The following GALNTL6 variants were observed in gnomAD, a reference collection of about 807,000 sequenced individuals.
GALNTL6 encodes the protein polypeptide N-acetylgalactosaminyltransferase like 6.
A neutral mutation model predicts 73.7 loss-of-function variants in GALNTL6; 46 were observed. That is an observed-to-expected ratio of 0.62 (90% CI 0.49 to 0.80). The LOEUF is 0.80. Among genes scored for constraint, GALNTL6 ranks in the 30% least tolerant of loss-of-function variants. The probability of loss-of-function intolerance (pLI) is 0.00; values close to 1 mark genes in which losing one functional copy is unlikely to be tolerated. For synonymous variants in GALNTL6, 259 were observed against 263.7 expected, an observed-to-expected ratio of 0.98 and a Z score of 0.17; for missense variants, 604 against 755.0, an observed-to-expected ratio of 0.80 and a Z score of 2.34.
chr4:171,983,946 G>T (rs1332465229), intron 2 of GALNTL6, among the ~76,000 whole-genome samples: 1 of 152,164 alleles, frequency 6.6e-6, no homozygotes, highest in Admixed American at 6.5e-5. Flanking sequence ...TTCCCCTAGT[G>T]TGGGCCTCAG....
At chr4:172,287,416 G>C (rs1038177015) in intron 3 of GALNTL6, among the ~76,000 whole-genome samples, 2 of 150,804 alleles carry the variant, frequency 1.3e-5, no homozygotes, top group Non-Finnish European at 3.0e-5. Flanking sequence ...TGAGCAAAAA[G>C]CTGACTGATT....
At chr4:172,111,893 T>C (rs1732861971) in intron 2 of GALNTL6, among the ~76,000 whole-genome samples, 1 of 152,038 alleles carries the variant, frequency 6.6e-6, no homozygotes, top group Non-Finnish European at 1.5e-5. Flanking sequence ...GTGGTACATT[T>C]GTCATGTTTG....
chr4:172,377,581 G>A (rs972175044), intron 5 of GALNTL6, among the ~76,000 whole-genome samples: 14 of 152,162 alleles, frequency 9.2e-5, no homozygotes, highest in Non-Finnish European at 1.6e-4. Context: ...GTGCCGTGGA[G>A]CAGGGGCCGG....
At chr4:172,493,404 A>C (rs537469208) in intron 5 of GALNTL6, among the ~76,000 whole-genome samples, 1 of 152,224 alleles carries the variant, frequency 6.6e-6, no homozygotes, top group Non-Finnish European at 1.5e-5. Flanking sequence ...ATTCACTTTT[A>C]TGTCAGAAAT....
At chr4:171,958,152 T>C (rs145515254) in intron 2 of GALNTL6, among the ~76,000 whole-genome samples, 1 of 152,160 alleles carries the variant, frequency 6.6e-6, no homozygotes. Flanking sequence ...ATTACTGATA[T>C]CCTTGAAATT....
At chr4:172,822,823 T>C (rs1742015268) in intron 7 of GALNTL6, among the ~76,000 whole-genome samples, 1 of 152,196 alleles carries the variant, frequency 6.6e-6, no homozygotes, top group African/African-American at 2.4e-5. Context: ...TATTATCCAC[T>C]TTGTTCTGCT....
chr4:172,451,074 T>C (rs1013938176), intron 5 of GALNTL6, among the ~76,000 whole-genome samples: 1 of 152,146 alleles, frequency 6.6e-6, no homozygotes, highest in Non-Finnish European at 1.5e-5. Flanking sequence ...CCTGTGAAGG[T>C]TTTTTGTAGA....
At chr4:171,895,308 C>T (rs1279532894) in intron 2 of GALNTL6, among the ~76,000 whole-genome samples, 1 of 152,074 alleles carries the variant, frequency 6.6e-6, no homozygotes, top group East Asian at 1.9e-4. Context: ...GAGCAGAATC[C>T]CTTGCGTGAA....
intron 7 of GALNTL6, among the ~76,000 whole-genome samples, chr4:172,823,610 T>A (rs1742063465): frequency 6.6e-6 from 1 of 152,176 alleles, no homozygotes; most frequent in South Asian, 2.1e-4. Context: ...TGAGCACAAT[T>A]ATCTGTAGGG....
intron 2 of GALNTL6, among the ~76,000 whole-genome samples, chr4:171,948,546 C>T (rs531816379): frequency 1.4e-4 from 22 of 152,158 alleles, no homozygotes; most frequent in African/African-American, 4.6e-4. Context: ...AATATTAACA[C>T]TCTGCAAATA....
At chr4:171,958,489 G>C (rs572466853) in intron 2 of GALNTL6, among the ~76,000 whole-genome samples, 4 of 152,154 alleles carry the variant, frequency 2.6e-5, no homozygotes, top group Non-Finnish European at 2.9e-5. Context: ...TTAGGAAAGA[G>C]AGTCATTTCT....
chr4:172,952,288 T>C, intron 10 of GALNTL6, 30 bp downstream of exon 10: 2 of 1,534,456 alleles, frequency 1.3e-6, no homozygotes, highest in Non-Finnish European at 1.8e-6. Context: ...AACCTGCGCC[T>C]ACCTATGAGA....
intron 5 of GALNTL6, among the ~76,000 whole-genome samples, chr4:172,369,339 A>T (rs1742695581): frequency 2.0e-5 from 3 of 152,202 alleles, no homozygotes. Flanking sequence ...CAGAGTGCTG[A>T]TTGGTGCATT....
At chr4:172,390,591 C>T (rs1454099742) in intron 5 of GALNTL6, among the ~76,000 whole-genome samples, 2 of 152,160 alleles carry the variant, frequency 1.3e-5, no homozygotes, top group African/African-American at 4.8e-5. Flanking sequence ...TAGTAGTCAT[C>T]TCAGTTATCA....
At chr4:172,971,689 A>C (rs1750591996) in intron 10 of GALNTL6, among the ~76,000 whole-genome samples, 1 of 152,340 alleles carries the variant, frequency 6.6e-6, no homozygotes, top group African/African-American at 2.4e-5. Context: ...GTTAGGCATT[A>C]ATTTAAAAAG....
intron 2 of GALNTL6, among the ~76,000 whole-genome samples, chr4:171,902,556 G>A (rs771361902): frequency 6.6e-6 from 1 of 152,184 alleles, no homozygotes; most frequent in Non-Finnish European, 1.5e-5. Flanking sequence ...GATGATGTAT[G>A]GAAAGAGATT....
intron 5 of GALNTL6, among the ~76,000 whole-genome samples, chr4:172,398,470 G>T (rs2111318601): frequency 6.6e-6 from 1 of 152,310 alleles, no homozygotes; most frequent in South Asian, 2.1e-4. Flanking sequence ...AGGAAGAGCA[G>T]TGCTATTAGA....
chr4:172,169,171 T>C (rs1018135570), intron 2 of GALNTL6, among the ~76,000 whole-genome samples: 1 of 151,670 alleles, frequency 6.6e-6, no homozygotes, highest in Non-Finnish European at 1.5e-5. Flanking sequence ...AACAATGAGA[T>C]TGGATTCTAA....
intron 9 of GALNTL6, among the ~76,000 whole-genome samples, chr4:172,948,966 T>G (rs1351075275): frequency 6.6e-6 from 1 of 152,212 alleles, no homozygotes; most frequent in Non-Finnish European, 1.5e-5. Context: ...TTTATCATGA[T>G]CCTCTGAGCC....
Sources: gnomAD v4.1 joint callset for allele counts (sites outside exome capture counted in the v4.1 genomes callset) on GRCh38, gnomAD v4.1.1 for gene constraint, MANE v1.5 for transcripts, NCBI Gene and HGNC (gene_info 2026-07-23, HGNC 2026-07-21) for gene names.